CNTN5: variants seen among roughly 807,000 people sequenced by gnomAD.
CNTN5 encodes the protein contactin-5.
Under a neutral mutation model 129.1 loss-of-function variants are expected in CNTN5, and 77 were observed. That is an observed-to-expected ratio of 0.60 (90% confidence interval 0.50 to 0.72). The LOEUF (loss-of-function observed/expected upper bound fraction) is 0.72, where lower values mean the gene tolerates loss of function less well. Ranked by LOEUF, CNTN5 falls within the 30% of genes least tolerant of loss-of-function variation. CNTN5 has a pLI of 0.00. For missense variants in CNTN5, 1,478 were observed against 1,328.8 expected, an observed-to-expected ratio of 1.11 and a Z score of -1.75; for synonymous variants, 509 against 465.6, an observed-to-expected ratio of 1.09 and a Z score of -1.20.
At chr11:99,230,660 C>G (rs190701646) in intron 1 of CNTN5, among the ~76,000 whole-genome samples, 1 of 152,022 alleles carries the variant, frequency 6.6e-6, no homozygotes, top group Non-Finnish European at 1.5e-5. Flanking sequence ...TAATCTTATA[C>G]GATTTTATTT....
chr11:99,410,439 G>A (rs1440282393), intron 2 of CNTN5, among the ~76,000 whole-genome samples: 1 of 152,144 alleles, frequency 6.6e-6, no homozygotes, highest in Non-Finnish European at 1.5e-5. Flanking sequence ...TATTGCCAGA[G>A]CCATGAAAGA....
chr11:99,453,505 G>A (rs1044182209), intron 2 of CNTN5, among the ~76,000 whole-genome samples: 1 of 152,082 alleles, frequency 6.6e-6, no homozygotes, highest in African/African-American at 2.4e-5. Flanking sequence ...AACAGCTTTT[G>A]TAAATAGCAA....
In CNTN5 at chr11:99,746,448, C is replaced by A. The variant is rs1221806780; in HGVS notation, c.56-73096C>A. Among the ~76,000 whole-genome samples, 3 of 152,180 alleles carry A rather than the reference C, an allele frequency of 2.0e-5. No individual in the cohort carries two copies. In the South Asian group the frequency reaches 6.2e-4, roughly 32 times the overall value. On this transcript the variant is annotated intron_variant, in intron 3 of 24. Transcript: ENST00000524871. Reference sequence around the variant, plus strand: ...GTCTACATGAAGGGTCCTCCACCCCCAGTCACAGACCACTACTGGTCCATG... The same window carrying A: ...GTCTACATGAAGGGTCCTCCACCCCAAGTCACAGACCACTACTGGTCCATG...
At chr11:99,475,625 C>T (rs1945340589) in intron 2 of CNTN5, among the ~76,000 whole-genome samples, 2 of 151,966 alleles carry the variant, frequency 1.3e-5, no homozygotes, top group African/African-American at 4.8e-5. Context: ...TTGATTATGC[C>T]ATAAACCTTG....
intron 1 of CNTN5, among the ~76,000 whole-genome samples, chr11:99,228,272 G>A (rs77226140): frequency 0.017 from 2,652 of 152,190 alleles, 43 homozygotes; most frequent in African/African-American, 0.038. Flanking sequence ...CAGGTAGAGA[G>A]TGGATGCAGG....
chr11:99,078,963 C>CA (rs950989072), intron 1 of CNTN5, among the ~76,000 whole-genome samples: 1 of 151,896 alleles, frequency 6.6e-6, no homozygotes, highest in African/African-American at 2.4e-5. Flanking sequence ...GTCCATAGCA[C>CA]AAAAAATGAC....
chr11:99,459,799 T>C (rs911969258), intron 2 of CNTN5, among the ~76,000 whole-genome samples: 2 of 152,006 alleles, frequency 1.3e-5, no homozygotes, highest in African/African-American at 4.8e-5. Flanking sequence ...GAAATATTAA[T>C]ACTAGTTGTC....
chr11:99,275,101 T>A (rs529067891), intron 1 of CNTN5, among the ~76,000 whole-genome samples: 76 of 151,300 alleles, frequency 5.0e-4, no homozygotes, highest in Non-Finnish European at 9.8e-4. Flanking sequence ...AAATATTTAC[T>A]TATATATAAT....
intron 3 of CNTN5, among the ~76,000 whole-genome samples, chr11:99,586,232 CA>C (rs1351286026): frequency 1.3e-5 from 2 of 152,136 alleles, no homozygotes; most frequent in African/African-American, 4.8e-5. Context: ...CTATTACCAT[CA>C]TCCCACAAGC....
intron 1 of CNTN5, among the ~76,000 whole-genome samples, chr11:99,119,651 G>T (rs11218459): frequency 2.6e-5 from 4 of 151,874 alleles, no homozygotes; most frequent in Admixed American, 6.6e-5. Context: ...CGGTATAAAC[G>T]CAGTTATGGG....
chr11:99,085,681 A>C (rs1028617713), intron 1 of CNTN5, among the ~76,000 whole-genome samples: 1 of 152,146 alleles, frequency 6.6e-6, no homozygotes, highest in Non-Finnish European at 1.5e-5. Flanking sequence ...ATAGTAAGAA[A>C]ATTTTATAAG....
intron 18 of CNTN5, among the ~76,000 whole-genome samples, chr11:100,290,327 A>G (rs1462201743): frequency 5.9e-5 from 9 of 151,762 alleles, no homozygotes; most frequent in South Asian, 2.1e-4. Context: ...GAACAAAGCT[A>G]GAGGCATCAC....
intron 2 of CNTN5, among the ~76,000 whole-genome samples, chr11:99,538,520 C>T (rs1241256933): frequency 6.6e-6 from 1 of 152,096 alleles, no homozygotes; most frequent in Non-Finnish European, 1.5e-5. Context: ...CCTAAAGAAA[C>T]ACGTACAATT....
chr11:99,237,603 C>T (rs1284208315), intron 1 of CNTN5, among the ~76,000 whole-genome samples: 2 of 152,070 alleles, frequency 1.3e-5, no homozygotes, highest in Non-Finnish European at 2.9e-5. Context: ...ATCGTTTGAA[C>T]CCGGGAGGCG....
At chr11:99,319,627 A>G (rs1865479380) in intron 1 of CNTN5, among the ~76,000 whole-genome samples, 1 of 152,214 alleles carries the variant, frequency 6.6e-6, no homozygotes, top group South Asian at 2.1e-4. Flanking sequence ...ACTCAATAAA[A>G]ATTATATACA....
intron 3 of CNTN5, among the ~76,000 whole-genome samples, chr11:99,606,401 G>A (rs1950416622): frequency 7.2e-6 from 1 of 138,182 alleles, no homozygotes; most frequent in Non-Finnish European, 1.6e-5. Flanking sequence ...GGATGTGAAG[G>A]ACCTCTTCAA....
intron 6 of CNTN5, among the ~76,000 whole-genome samples, chr11:99,873,176 C>T (rs1948547262): frequency 6.6e-6 from 1 of 152,036 alleles, no homozygotes; most frequent in Non-Finnish European, 1.5e-5. Context: ...ACTAACCATA[C>T]ATAACCATGT....
chr11:99,586,064 A>G (rs367687122), intron 3 of CNTN5, among the ~76,000 whole-genome samples: 13 of 152,184 alleles, frequency 8.5e-5, no homozygotes, highest in African/African-American at 2.9e-4. Flanking sequence ...ATCTCATATC[A>G]TGTATTTCAT....
intron 2 of CNTN5, among the ~76,000 whole-genome samples, chr11:99,514,090 C>A (rs1946949211): frequency 6.6e-6 from 1 of 151,942 alleles, no homozygotes; most frequent in Non-Finnish European, 1.5e-5. Context: ...TCAATTTTAA[C>A]CCTCATGGAT....
Sources: gnomAD v4.1 joint callset for allele counts (sites outside exome capture counted in the v4.1 genomes callset) on GRCh38, gnomAD v4.1.1 for gene constraint, MANE v1.5 for transcripts, NCBI Gene and HGNC (gene_info 2026-07-23, HGNC 2026-07-21) for gene names.